Variants in WWOX observed in about 807,000 individuals in gnomAD.
WWOX encodes the protein WW domain containing oxidoreductase, also known as WW domain-containing oxidoreductase.
A neutral mutation model predicts 46.2 loss-of-function variants in WWOX; 69 were observed. The observed-to-expected ratio is 1.49, with a 90% confidence interval of 1.23 to 1.82. The LOEUF is 1.82. Ranked by LOEUF, WWOX falls within the 40% of genes most tolerant of loss-of-function variation. The pLI, the probability that WWOX is intolerant of heterozygous loss-of-function variation, is 0.00. For synonymous variants in WWOX, 359 were observed against 202.6 expected (o/e 1.77, Z -6.56); for missense variants, 919 against 542.6 (o/e 1.69, Z -6.89).
intron 4 of WWOX, among the ~76,000 whole-genome samples, chr16:78,129,697 G>T (rs2033512141): frequency 6.6e-6 from 1 of 151,978 alleles, no homozygotes. Context: ...GGTCTATAGT[G>T]GGATTTTTTT....
chr16:78,714,198 C>T (rs1271879023), intron 8 of WWOX, among the ~76,000 whole-genome samples: 1 of 152,144 alleles, frequency 6.6e-6, no homozygotes, highest in Non-Finnish European at 1.5e-5. Context: ...TCTATTCTCA[C>T]ACTGCTAGTG....
At chr16:78,121,237 T>C (rs2033078816) in intron 4 of WWOX, among the ~76,000 whole-genome samples, 1 of 152,224 alleles carries the variant, frequency 6.6e-6, no homozygotes, top group African/African-American at 2.4e-5. Flanking sequence ...CTTTTGGGCA[T>C]TGGAACTCCA....
At chr16:79,054,750 C>T (rs535271539) in intron 8 of WWOX, among the ~76,000 whole-genome samples, 2 of 152,206 alleles carry the variant, frequency 1.3e-5, no homozygotes, top group African/African-American at 4.8e-5. Flanking sequence ...TGTTTGAGCC[C>T]AGGAGGTGGA....
At chr16:78,863,298 C>T (rs562765717) in intron 8 of WWOX, among the ~76,000 whole-genome samples, 5 of 152,142 alleles carry the variant, frequency 3.3e-5, no homozygotes, top group African/African-American at 4.8e-5. Context: ...AGCAGACACT[C>T]GCAGTACATT....
chr16:78,265,583 C>T (rs1047472515), intron 5 of WWOX, among the ~76,000 whole-genome samples: 28 of 151,194 alleles, frequency 1.9e-4, no homozygotes, highest in Non-Finnish European at 3.4e-4. Context: ...GAGGCTGAGG[C>T]AGGAGAATTG....
intron 8 of WWOX, among the ~76,000 whole-genome samples, chr16:78,440,651 C>T (rs1360212942): frequency 1.3e-5 from 2 of 150,640 alleles, no homozygotes; most frequent in East Asian, 3.9e-4. Context: ...GAGTGTCTCT[C>T]CGTTGCCCGG....
chr16:78,244,921 G>T (rs1343321561), intron 5 of WWOX, among the ~76,000 whole-genome samples: 5 of 152,128 alleles, frequency 3.3e-5, no homozygotes, highest in African/African-American at 1.2e-4. Flanking sequence ...TTGAAAAAAA[G>T]ATTGAAAAAG....
intron 5 of WWOX, among the ~76,000 whole-genome samples, chr16:78,322,472 C>G (rs1023851517): frequency 2.0e-5 from 3 of 152,304 alleles, no homozygotes; most frequent in South Asian, 2.1e-4. Flanking sequence ...TTAAACTTCT[C>G]AACAACCCAG....
intron 8 of WWOX, among the ~76,000 whole-genome samples, chr16:79,035,455 G>C (rs1028569942): frequency 6.6e-6 from 1 of 152,080 alleles, no homozygotes; most frequent in African/African-American, 2.4e-5. Context: ...TTACCCATAA[G>C]TGGAAGGTGT....
At chr16:78,270,840 A>C (rs1463199416) in intron 5 of WWOX, among the ~76,000 whole-genome samples, 2 of 152,130 alleles carry the variant, frequency 1.3e-5, no homozygotes, top group African/African-American at 2.4e-5. Flanking sequence ...TGAACAAAAA[A>C]TCCAAAGAAG....
intron 8 of WWOX, among the ~76,000 whole-genome samples, chr16:78,970,129 C>T (rs529180583): frequency 6.6e-6 from 1 of 152,170 alleles, no homozygotes; most frequent in Non-Finnish European, 1.5e-5. Flanking sequence ...CAGATGTGGC[C>T]TGAGTAGCAC....
chr16:78,868,409 A>T (rs2044052735), intron 8 of WWOX, among the ~76,000 whole-genome samples: 1 of 152,050 alleles, frequency 6.6e-6, no homozygotes, highest in Non-Finnish European at 1.5e-5. Context: ...AGGGTGGGGC[A>T]ATTTTGGGGG....
intron 6 of WWOX, among the ~76,000 whole-genome samples, chr16:78,398,191 G>C (rs1416080216): frequency 6.6e-6 from 1 of 152,138 alleles, no homozygotes; most frequent in African/African-American, 2.4e-5. Flanking sequence ...GTCCTGTTTG[G>C]CAATGTCCTG....
Position 78,867,434 on chromosome 16 carries a change from GT to G in WWOX, c.1057-344171del, listed in dbSNP as rs1412043907. Among the ~76,000 whole-genome samples the G allele has an allele frequency of 4.0e-5, 6 of 151,800 alleles. No individual in the cohort carries two copies. In the East Asian group the frequency reaches 1.2e-3, roughly 29 times the overall value. ...CTCTTCATAATCTAGAGCTATTATA[GT>G]TTCCAATTGACAGATGGGGAATCTG... On this transcript the variant is annotated intron_variant, in intron 8 of 8. Transcript: ENST00000566780.
chr16:79,051,724 G>T (rs1297257894), intron 8 of WWOX, among the ~76,000 whole-genome samples: 2 of 152,222 alleles, frequency 1.3e-5, no homozygotes, highest in Admixed American at 1.3e-4. Flanking sequence ...CCTCTTGAAA[G>T]AATTTCCTCC....
intron 8 of WWOX, among the ~76,000 whole-genome samples, chr16:79,084,528 C>G (rs1477049801): frequency 6.6e-6 from 1 of 152,136 alleles, no homozygotes. Flanking sequence ...TCAGTCGATT[C>G]TCCTGCCTCC....
chr16:78,569,684 G>C (rs1366942961), intron 8 of WWOX, among the ~76,000 whole-genome samples: 1 of 152,164 alleles, frequency 6.6e-6, no homozygotes, highest in Non-Finnish European at 1.5e-5. Flanking sequence ...TCAGTGAGCA[G>C]GAAAATTAGC....
chr16:79,045,478 C>G (rs58238471), intron 8 of WWOX, among the ~76,000 whole-genome samples: 1 of 152,084 alleles, frequency 6.6e-6, no homozygotes, highest in African/African-American at 2.4e-5. Flanking sequence ...GCTGACCTCT[C>G]CAGAAAGAGA....
At chr16:78,382,933 T>C (rs2081985577) in intron 5 of WWOX, among the ~76,000 whole-genome samples, 1 of 151,956 alleles carries the variant, frequency 6.6e-6, no homozygotes, top group Non-Finnish European at 1.5e-5. Context: ...TCTGTGTTCA[T>C]GTTCTGCTTC....
Sources: gnomAD v4.1 joint callset for allele counts (sites outside exome capture counted in the v4.1 genomes callset) on GRCh38, gnomAD v4.1.1 for gene constraint, MANE v1.5 for transcripts, NCBI Gene and HGNC (gene_info 2026-07-23, HGNC 2026-07-21) for gene names.